ADAMTS2: variants seen among roughly 807,000 people sequenced by gnomAD.
ADAMTS2 encodes ADAM metallopeptidase with thrombospondin type 1 motif 2, also known as A disintegrin and metalloproteinase with thrombospondin motifs 2.
Under a neutral mutation model 123.0 loss-of-function variants are expected in ADAMTS2, and 50 were observed. The ratio of observed to expected loss-of-function variants is 0.41; its 90% confidence interval spans 0.32 to 0.51. ADAMTS2 has a LOEUF of 0.51. ADAMTS2 is among the 20% of genes least tolerant of loss of function. The probability of loss-of-function intolerance (pLI) is 0.35; values close to 1 mark genes in which losing one functional copy is unlikely to be tolerated. For missense variants in ADAMTS2, 1,494 were observed against 1,705.2 expected (o/e 0.88, Z 2.18); for synonymous variants, 678 against 695.4 (o/e 0.98, Z 0.39).
At chr5:179,229,799 T>C (rs1000992477) in intron 3 of ADAMTS2, among the ~76,000 whole-genome samples, 1 of 152,194 alleles carries the variant, frequency 6.6e-6, no homozygotes, top group Non-Finnish European at 1.5e-5. Flanking sequence ...CCCTCCTAAG[T>C]ACCTTATGGG....
At chr5:179,327,105 A>G (rs1394954244) in intron 2 of ADAMTS2, among the ~76,000 whole-genome samples, 1 of 152,158 alleles carries the variant, frequency 6.6e-6, no homozygotes, top group African/African-American at 2.4e-5. Context: ...GGCCCGGCAG[A>G]TTTCCTGGTT....
intron 10 of ADAMTS2, among the ~76,000 whole-genome samples, chr5:179,150,429 A>T (rs1763332880): frequency 6.6e-6 from 1 of 152,222 alleles, no homozygotes; most frequent in Non-Finnish European, 1.5e-5. Flanking sequence ...GCACATCTTA[A>T]AAACACCAAT....
chr5:179,134,834 C>G, intron 13 of ADAMTS2, among the ~76,000 whole-genome samples: 1 of 112,474 alleles, frequency 8.9e-6, no homozygotes, highest in South Asian at 3.1e-4. Context: ...CTCCCGGCTC[C>G]AGCCCCCAGC....
chr5:179,128,972 A>T lies in ADAMTS2; in HGVS notation c.2458-854T>A, dbSNP rs968803928. On this transcript the variant is annotated intron_variant, in intron 16 of 21. Coordinates refer to ENST00000251582, the MANE Select transcript of ADAMTS2 (RefSeq NM_014244.5). This position sits in a 1 kb window ranked among gnomAD's most constrained non-coding sequence, Gnocchi z 4.9. Reference sequence around the variant, plus strand: ...TGCAGAAAGAACCCCTGTTTGTGGGATGAGAGCAGAAACAAGCAGACAGCG... The same window carrying T: ...TGCAGAAAGAACCCCTGTTTGTGGGTTGAGAGCAGAAACAAGCAGACAGCG... 5.9e-5 allele frequency among the ~76,000 whole-genome samples: 9 copies of T among 152,156 alleles called. No individual in the cohort carries two copies. The highest frequency in any genetic ancestry group is 2.9e-5 in the Non-Finnish European group (2 of 68,026).
At position 179,180,803 on chromosome 5, in the gene ADAMTS2, C is replaced by T. The variant is rs1181266585; in HGVS notation, c.975+269G>A. On this transcript the variant is annotated intron_variant, in intron 5 of 21. Transcript: ENST00000251582. This position sits in a 1 kb window ranked among gnomAD's most constrained non-coding sequence, Gnocchi z 4.6. ...CCTCCTGACCACCCCTGGTGCCTCCCTGTGTGGCCCCCGTGGCCTGGTATG... is the reference window on the plus strand; with the variant it reads ...CCTCCTGACCACCCCTGGTGCCTCCTTGTGTGGCCCCCGTGGCCTGGTATG... 6.6e-6 allele frequency among the ~76,000 whole-genome samples: 1 copy of T among 152,168 alleles called. No individual in the cohort carries two copies. Among genetic ancestry groups the T allele is most frequent in the Non-Finnish European group, 1.5e-5 (1 of 68,030 alleles).
rs1441919059 is a variant in ADAMTS2, at chr5:179,338,756, C to CT, written c.534+5010dup. Among the ~76,000 whole-genome samples, 5 of 152,236 alleles carry CT rather than the reference C, an allele frequency of 3.3e-5. No individual in the cohort carries two copies. In the East Asian group the frequency reaches 9.7e-4, roughly 29 times the overall value. On this transcript the variant is annotated intron_variant, in intron 2 of 21. Coordinates refer to ENST00000251582, the MANE Select transcript of ADAMTS2 (RefSeq NM_014244.5). ...CGTGACATGAGTTGCTGCATGGTTT[C>CT]TAAAAATCCCTCTGGCTGCAGAGTG... is the stretch of plus-strand genomic sequence containing the variant.
intron 4 of ADAMTS2, among the ~76,000 whole-genome samples, chr5:179,203,009 C>A (rs1052380069): frequency 3.3e-5 from 5 of 152,192 alleles, no homozygotes; most frequent in African/African-American, 1.2e-4. Flanking sequence ...ACCCCTGGAC[C>A]CCATATCCCA....
rs1453043144 is a variant in ADAMTS2, at chr5:179,155,500, T to C, written c.1133-581A>G. Reference sequence around the variant, plus strand: ...AAGCTGTTCAGCCGATGGGCCACACTACCCTGCAGAATATCCCAGCAGGGG... The same window carrying C: ...AAGCTGTTCAGCCGATGGGCCACACCACCCTGCAGAATATCCCAGCAGGGG... On this transcript the variant is annotated intron_variant, in intron 6 of 21. Coordinates refer to ENST00000251582, the MANE Select transcript of ADAMTS2 (RefSeq NM_014244.5). This position sits in a 1 kb window ranked among gnomAD's most constrained non-coding sequence, Gnocchi z 5.1. Among the ~76,000 whole-genome samples, 1 of 152,150 alleles carries C rather than the reference T, an allele frequency of 6.6e-6. No individual in the cohort carries two copies. Among genetic ancestry groups the C allele is most frequent in the Non-Finnish European group, 1.5e-5 (1 of 68,024 alleles).
chr5:179,161,617 A>G (rs1173664535), intron 5 of ADAMTS2, among the ~76,000 whole-genome samples: 2 of 152,218 alleles, frequency 1.3e-5, no homozygotes, highest in Non-Finnish European at 2.9e-5. Context: ...AGTGCCCTAT[A>G]GTGCCGGAAA....
At chr5:179,233,954 T>A (rs1295401339) in intron 3 of ADAMTS2, among the ~76,000 whole-genome samples, 1 of 152,048 alleles carries the variant, frequency 6.6e-6, no homozygotes, top group Non-Finnish European at 1.5e-5. Context: ...GAGTGTGGGA[T>A]TTGAGCCGCA....
chr5:179,292,028 GCCA>G (rs568885012), intron 2 of ADAMTS2, among the ~76,000 whole-genome samples: 92 of 152,116 alleles, frequency 6.0e-4, no homozygotes, highest in African/African-American at 2.2e-3. Flanking sequence ...ACAGATGTGA[GCCA>G]CCACACCTGG....
At chr5:179,295,180 A>C (rs1756295264) in intron 2 of ADAMTS2, among the ~76,000 whole-genome samples, 2 of 152,208 alleles carry the variant, frequency 1.3e-5, no homozygotes, top group Admixed American at 1.3e-4. Context: ...TTGAAAAGAC[A>C]CAGAGAAGAA....
At chr5:179,227,762 C>T (rs1290359250) in intron 3 of ADAMTS2, among the ~76,000 whole-genome samples, 2 of 152,086 alleles carry the variant, frequency 1.3e-5, no homozygotes, top group East Asian at 3.9e-4. Flanking sequence ...GAAGCCCCTG[C>T]TGTGCCAAGG....
In ADAMTS2 at chr5:179,345,263, C is replaced by T; in HGVS notation, c.66G>A (p.Leu22=). The part of the protein sequence containing the change: ...LCPALLLLLL[L]LPPPLLPPPP... Reference sequence around the variant, plus strand: ...GCGGCGGCAGGAGCGGCGGCGGCAGCAGCAGCAGCAGCAGCAGCAGCGCGG... The same window carrying T: ...GCGGCGGCAGGAGCGGCGGCGGCAGTAGCAGCAGCAGCAGCAGCAGCGCGG... The change falls in exon 1 of 22, where the codon CTG becomes CTA. Residue 22 remains leucine, a synonymous_variant. Transcript: ENST00000251582. The surrounding 1 kb of genome is among the most constrained non-coding windows in gnomAD (Gnocchi z 7.5). The T allele has an allele frequency of 8.7e-7, 1 of 1,143,068 alleles. No individual in the cohort carries two copies. Among genetic ancestry groups the T allele is most frequent in the Non-Finnish European group, 1.1e-6 (1 of 933,386 alleles). The allele number at this position is 1,143,068 out of a possible 1,614,324, so 70.8% of individuals were successfully genotyped here.
chr5:179,315,324 G>GGTGGCTTCTGGAAAGCAC (rs1756961948), intron 2 of ADAMTS2, among the ~76,000 whole-genome samples: 1 of 152,272 alleles, frequency 6.6e-6, no homozygotes, highest in Non-Finnish European at 1.5e-5. Flanking sequence ...TGAGGCCACA[G>GGTGGCTTCTGGAAAGCAC]TGCTTTGGGA....
intron 3 of ADAMTS2, among the ~76,000 whole-genome samples, chr5:179,235,652 C>G (rs1226642507): frequency 1.3e-5 from 2 of 152,188 alleles, no homozygotes; most frequent in Non-Finnish European, 2.9e-5. Flanking sequence ...CCAGGCCTTG[C>G]CCTGGAGAGG....
chr5:179,226,318 G>A (rs1321470972), intron 3 of ADAMTS2, among the ~76,000 whole-genome samples: 18 of 148,498 alleles, frequency 1.2e-4, no homozygotes, highest in Non-Finnish European at 2.1e-4. Context: ...CCAGGCTGGA[G>A]TACAGTGGCG....
rs909431590 is a variant in ADAMTS2, at chr5:179,128,449, G to A, written c.2458-331C>T. On this transcript the variant is annotated intron_variant, in intron 16 of 21. Transcript: ENST00000251582. The surrounding 1 kb of genome is among the most constrained non-coding windows in gnomAD (Gnocchi z 4.9). ...CTCTTGTAGCCCAGGCTGGAGTGTA[G>A]TGGCACGATCTCGGCTCACTGCAAC... Among the ~76,000 whole-genome samples the A allele has an allele frequency of 6.6e-6, 1 of 152,170 alleles. No individual in the cohort carries two copies. Among genetic ancestry groups the A allele is most frequent in the Non-Finnish European group, 1.5e-5 (1 of 68,040 alleles).
At chr5:179,290,549 G>A (rs111453227) in intron 2 of ADAMTS2, among the ~76,000 whole-genome samples, 8 of 152,186 alleles carry the variant, frequency 5.3e-5, no homozygotes, top group South Asian at 2.1e-4. Context: ...CTTGTTCTAC[G>A]TTGCATACGG....
Sources: gnomAD v4.1 joint callset for allele counts (sites outside exome capture counted in the v4.1 genomes callset) on GRCh38, gnomAD v4.1.1 for gene constraint, Gnocchi (gnomAD v3.1) non-coding constraint, MANE v1.5 for transcripts, NCBI Gene and HGNC (gene_info 2026-07-23, HGNC 2026-07-21) for gene names.